The following TENM2 variants were observed in gnomAD, a reference collection of about 807,000 sequenced individuals.
The protein encoded by TENM2 is teneurin-2.
In TENM2, 52 loss-of-function variants were observed where a neutral mutation model predicts 245.2. The ratio of observed to expected loss-of-function variants is 0.21; its 90% confidence interval spans 0.17 to 0.27. The LOEUF (loss-of-function observed/expected upper bound fraction) is 0.27. TENM2 is among the 10% of genes least tolerant of loss of function. The pLI is 1.00. For synonymous variants in TENM2, 1,363 were observed against 1,438.9 expected, an observed-to-expected ratio of 0.95 and a Z score of 1.19; for missense variants, 3,046 against 3,666.8, an observed-to-expected ratio of 0.83 and a Z score of 4.37.
At chr5:167,300,752 C>A (rs1049761559) in intron 1 of TENM2, among the ~76,000 whole-genome samples, 25 of 151,696 alleles carry the variant, frequency 1.6e-4, no homozygotes, top group Admixed American at 1.6e-3. Context: ...TGGGGAGATA[C>A]AAGGGGAGGA....
rs1442124375 is a variant in TENM2, at chr5:168,190,329, C to T, written c.2570-8C>T. Reference sequence around the variant, plus strand: ...CTGCTGACTCTGGCTCTGCCTCTGCCCTTCCAGATGGCCTGGTGGATTGTT... The same window carrying T: ...CTGCTGACTCTGGCTCTGCCTCTGCTCTTCCAGATGGCCTGGTGGATTGTT... On this transcript the variant is annotated splice_polypyrimidine_tract_variant and splice_region_variant and intron_variant, in intron 13 of 28. Coordinates refer to ENST00000518659, the Ensembl canonical transcript of TENM2. 5 of 1,610,930 alleles carry T rather than the reference C, an allele frequency of 3.1e-6. No individual in the cohort carries two copies. The highest frequency in any genetic ancestry group is 4.2e-6 in the Non-Finnish European group (5 of 1,178,274).
At chr5:167,380,343 A>G (rs1234197548) in intron 2 of TENM2, among the ~76,000 whole-genome samples, 1 of 152,186 alleles carries the variant, frequency 6.6e-6, no homozygotes. Context: ...TATGAAAGCT[A>G]GAAGTGAAAG....
chr5:167,906,916 T>C (rs963388661), intron 3 of TENM2, among the ~76,000 whole-genome samples: 2 of 152,158 alleles, frequency 1.3e-5, no homozygotes, highest in African/African-American at 4.8e-5. Flanking sequence ...CCATCCTGGA[T>C]GATGCAGCAG....
At chr5:167,534,679 A>G (rs1359414370) in intron 2 of TENM2, among the ~76,000 whole-genome samples, 1 of 152,144 alleles carries the variant, frequency 6.6e-6, no homozygotes, top group Non-Finnish European at 1.5e-5. Flanking sequence ...AATTCTTAGG[A>G]TAATTAATTT....
intron 2 of TENM2, among the ~76,000 whole-genome samples, chr5:167,514,087 C>G (rs748966191): frequency 4.6e-5 from 7 of 152,216 alleles, no homozygotes; most frequent in African/African-American, 1.7e-4. Flanking sequence ...TGTTCCTGCT[C>G]TCTTCAACTC....
chr5:167,431,928 CAT>C lies in TENM2; in HGVS notation c.502+56465_502+56466del, dbSNP rs200868538. Among the ~76,000 whole-genome samples the C allele has an allele frequency of 9.2e-3, 1,039 of 112,504 alleles. 18 individuals carry two copies. The highest frequency in any genetic ancestry group is 0.033 in the African/African-American group (975 of 29,820). 73.8% of individuals were successfully genotyped at this position (112,504 alleles called of 152,430 possible). ...TTCCAAGGTGTGATATATATATATA[CAT>C]ATATATATACATATATATGTATATA... On this transcript the variant is annotated intron_variant, in intron 2 of 28. Transcript: ENST00000518659.
At chr5:167,469,274 T>C (rs1766858204) in intron 2 of TENM2, among the ~76,000 whole-genome samples, 1 of 152,144 alleles carries the variant, frequency 6.6e-6, no homozygotes, top group African/African-American at 2.4e-5. Context: ...TGTTTGATGG[T>C]TACTTAAAAA....
intron 2 of TENM2, among the ~76,000 whole-genome samples, chr5:167,564,498 G>A (rs976963132): frequency 5.9e-5 from 9 of 152,296 alleles, no homozygotes; most frequent in African/African-American, 2.2e-4. Flanking sequence ...GGCTTACATT[G>A]TAAAAGAATC....
At chr5:167,209,729 A>G in the TENM2 span, among the ~76,000 whole-genome samples, 1 of 152,038 alleles carries the variant, frequency 6.6e-6, no homozygotes, top group Non-Finnish European at 1.5e-5. Context: ...GAAGGGCCAG[A>G]GTTTGAAATC....
chr5:167,645,497 C>G (rs1394613307), intron 2 of TENM2, among the ~76,000 whole-genome samples: 1 of 151,898 alleles, frequency 6.6e-6, no homozygotes, highest in East Asian at 1.9e-4. Flanking sequence ...AGGCTTCTTT[C>G]GTGTTCTTTA....
intron 7 of TENM2, among the ~76,000 whole-genome samples, chr5:168,065,782 G>C (rs1245959705): frequency 1.3e-5 from 2 of 148,198 alleles, no homozygotes; most frequent in Non-Finnish European, 3.0e-5. Context: ...TATTATTTTT[G>C]TTATAATAAA....
At chr5:167,787,312 A>G (rs1167130979) in intron 2 of TENM2, among the ~76,000 whole-genome samples, 1 of 152,236 alleles carries the variant, frequency 6.6e-6, no homozygotes, top group Non-Finnish European at 1.5e-5. Flanking sequence ...AAAATCACTT[A>G]GCAAGTAATG....
At chr5:167,673,416 G>A (rs1295186140) in intron 2 of TENM2, among the ~76,000 whole-genome samples, 1 of 152,024 alleles carries the variant, frequency 6.6e-6, no homozygotes, top group African/African-American at 2.4e-5. Flanking sequence ...AAGGATGCTG[G>A]TCCTCTTAGT....
the TENM2 span, among the ~76,000 whole-genome samples, chr5:167,225,345 C>A: frequency 1.3e-5 from 2 of 152,004 alleles, no homozygotes; most frequent in African/African-American, 4.8e-5. Flanking sequence ...TCGTTTAATG[C>A]CTAGTTTGTT....
At chr5:167,906,394 C>T (rs566300104) in intron 3 of TENM2, among the ~76,000 whole-genome samples, 5 of 152,236 alleles carry the variant, frequency 3.3e-5, no homozygotes, top group Admixed American at 6.5e-5. Context: ...ACTAGCAAGC[C>T]GCACCAGGGA....
chr5:168,069,569 A>T (rs1486198771), intron 7 of TENM2, among the ~76,000 whole-genome samples: 1 of 152,178 alleles, frequency 6.6e-6, no homozygotes, highest in Non-Finnish European at 1.5e-5. Context: ...ACAGGGACTG[A>T]TTGTTCCATG....
chr5:168,171,190 C>T (rs1371581374), intron 13 of TENM2, among the ~76,000 whole-genome samples: 1 of 152,214 alleles, frequency 6.6e-6, no homozygotes, highest in Non-Finnish European at 1.5e-5. Flanking sequence ...ATTAGTGTTT[C>T]CTTTATGGAA....
intron 2 of TENM2, among the ~76,000 whole-genome samples, chr5:167,823,789 C>T (rs569801725): frequency 1.3e-5 from 2 of 152,262 alleles, no homozygotes; most frequent in African/African-American, 4.8e-5. Flanking sequence ...TAAATAGCCA[C>T]AGATACATTA....
At chr5:167,182,928 C>A in the TENM2 span, among the ~76,000 whole-genome samples, 1 of 152,034 alleles carries the variant, frequency 6.6e-6, no homozygotes, top group Non-Finnish European at 1.5e-5. Flanking sequence ...TTAAAAATAT[C>A]AATGTTGTGT....
Sources: gnomAD v4.1 joint callset for allele counts (sites outside exome capture counted in the v4.1 genomes callset) on GRCh38, gnomAD v4.1.1 for gene constraint, MANE v1.5 for transcripts, NCBI Gene and HGNC (gene_info 2026-07-23, HGNC 2026-07-21) for gene names.